The following LINGO1 variants were observed in gnomAD, a reference collection of about 807,000 sequenced individuals.
LINGO1 encodes leucine-rich repeat and immunoglobulin-like domain-containing nogo receptor-interacting protein 1.
In LINGO1, 11 loss-of-function variants were observed where a neutral mutation model predicts 37.3. The ratio of observed to expected loss-of-function variants is 0.29; its 90% CI spans 0.19 to 0.49. The LOEUF is 0.49. Ranked by LOEUF, LINGO1 falls within the 20% of genes least tolerant of loss-of-function variation. LINGO1 has a pLI of 0.99. For missense variants in LINGO1, 585 were observed against 878.2 expected (o/e 0.67, Z 4.22); for synonymous variants, 387 against 403.0 (o/e 0.96, Z 0.48).
At chr15:77,709,339 T>G (rs1209550419) in intron 2 of LINGO1, among the ~76,000 whole-genome samples, 2 of 152,164 alleles carry the variant, frequency 1.3e-5, no homozygotes, top group African/African-American at 4.8e-5. Context: ...CCAAGGCAGG[T>G]TCAGTTAGTC....
At chr15:77,734,651 G>T (rs2141337571) in intron 2 of LINGO1, among the ~76,000 whole-genome samples, 1 of 151,884 alleles carries the variant, frequency 6.6e-6, no homozygotes, top group East Asian at 2.0e-4. Flanking sequence ...GAGCCTCCAG[G>T]ATCCCCAAGT....
At chr15:77,707,135 G>A (rs1044745551) in intron 2 of LINGO1, among the ~76,000 whole-genome samples, 43 of 152,240 alleles carry the variant, frequency 2.8e-4, no homozygotes, top group Non-Finnish European at 5.4e-4. Flanking sequence ...GCTGCAGGCA[G>A]GGATGCTGGA....
upstream of LINGO1, among the ~76,000 whole-genome samples, chr15:77,634,773 G>A: frequency 8.9e-6 from 1 of 112,234 alleles, no homozygotes; most frequent in East Asian, 2.8e-4. Context: ...CCCCCACCCC[G>A]GCTGTTTGTG....
intron 3 of LINGO1, chr15:77,667,217 GC>G (rs1219283126): frequency 6.6e-6 from 1 of 151,992 alleles, no homozygotes; most frequent in African/African-American, 2.4e-5. Flanking sequence ...TCGGAGTGTG[GC>G]CGGGGGCAAG....
chr15:77,778,155 C>T (rs2076680310), intron 1 of LINGO1, among the ~76,000 whole-genome samples: 2 of 152,146 alleles, frequency 1.3e-5, no homozygotes, highest in African/African-American at 4.8e-5. Flanking sequence ...TTTTGGTGAC[C>T]ACGGTCATCC....
At chr15:77,779,765 C>CG (rs1484437384) in intron 1 of LINGO1, among the ~76,000 whole-genome samples, 3 of 152,186 alleles carry the variant, frequency 2.0e-5, no homozygotes, top group Admixed American at 6.5e-5. Context: ...GCCAGTCCCC[C>CG]GGGGGTTGTG....
rs1315338918 is a variant in LINGO1 at position 77,745,314 on chromosome 15, T to C, written c.-256-10261A>G. 3.3e-5 allele frequency among the ~76,000 whole-genome samples: 5 copies of C among 150,692 alleles called. No homozygotes were observed. In the South Asian group the frequency reaches 1.1e-3, roughly 32 times the overall value. ...GGTGGTGGGCGCTTGTAGTCCCAGC[T>C]ACTTGGAAGGCTGAGGCAGGAGAAT... On this transcript the variant is annotated intron_variant, in intron 1 of 3. Transcript: ENST00000561686.
At chr15:77,725,886 T>C (rs62007778) in intron 2 of LINGO1, among the ~76,000 whole-genome samples, 5,901 of 152,282 alleles carry the variant, frequency 0.039, 172 homozygotes, top group Non-Finnish European at 0.059. Flanking sequence ...GGAGCGTACA[T>C]AGAGCGGCCG....
intron 1 of LINGO1, among the ~76,000 whole-genome samples, chr15:77,631,876 T>C (rs557261746): frequency 1.3e-5 from 2 of 151,878 alleles, no homozygotes; most frequent in South Asian, 4.2e-4. Flanking sequence ...GCCCCTGACC[T>C]GTGTCCACCA....
rs539641794 is a variant in LINGO1, at chr15:77,653,726, T to C, written c.-13+23363A>G. On this transcript the variant is annotated intron_variant, in intron 3 of 3. Transcript: ENST00000559893. ...TCTACCCCAGAAGCAAAAGTCTTCC[T>C]GCTCAACTTAGGGAGTGCCTATCAA... Among the ~76,000 whole-genome samples the C allele has an allele frequency of 6.8e-4, 103 of 152,304 alleles. 3 individuals carry two copies. In the South Asian group the frequency reaches 0.016, roughly 23 times the overall value.
chr15:77,632,311 T>G lies in LINGO1; in HGVS notation c.5A>C (p.Gln2Pro). The change falls in exon 1 of 2, where the codon CAG (glutamine) becomes CCG (proline). Residue 2 changes from glutamine to proline, a missense_variant and splice_region_variant. This residue lies in a region of LINGO1 where 65 missense variants were observed against 57.0 expected (regional missense o/e 1.14). Coordinates refer to ENST00000355300, the MANE Select transcript of LINGO1 (RefSeq NM_032808.7). The surrounding 1 kb of genome is among the most constrained non-coding windows in gnomAD (Gnocchi z 6.0). M[Q>P]VSKRMLAGGV... ...CTCGGCCGCGGCCGCCTGGCTCACC[T>G]GCATCTCGGGCGCGCCTTCGGTCCG... 1 of 1,440,558 alleles carries G rather than the reference T, an allele frequency of 6.9e-7. No homozygotes were observed. Among genetic ancestry groups the G allele is most frequent in the Non-Finnish European group, 9.1e-7 (1 of 1,097,896 alleles). 89.2% of individuals were successfully genotyped at this position (1,440,558 alleles called of 1,614,324 possible).
intron 1 of LINGO1, among the ~76,000 whole-genome samples, chr15:77,740,722 T>C (rs2076254603): frequency 1.3e-5 from 2 of 151,948 alleles, no homozygotes; most frequent in South Asian, 4.2e-4. Flanking sequence ...AAGATTTGGA[T>C]AGTAGGGTGG....
rs1255078770 is a variant in LINGO1, at chr15:77,770,315, C to T, written c.-257+16554G>A. 2.6e-5 allele frequency among the ~76,000 whole-genome samples: 4 copies of T among 152,124 alleles called. No homozygotes were observed. The South Asian group carries it at 6.2e-4, about 24-fold the overall frequency. On this transcript the variant is annotated intron_variant, in intron 1 of 3. Transcript: ENST00000561686. Reference sequence around the variant, plus strand: ...TAAAGATGTGGCAACTGGCTGGGCGCGGTGGCTCAAGCCTGTAATCCCAGC... The same window carrying T: ...TAAAGATGTGGCAACTGGCTGGGCGTGGTGGCTCAAGCCTGTAATCCCAGC...
intron 1 of LINGO1, among the ~76,000 whole-genome samples, chr15:77,767,717 G>C (rs773407129): frequency 6.6e-6 from 1 of 152,118 alleles, no homozygotes; most frequent in African/African-American, 2.4e-5. Flanking sequence ...GTTGGGAACC[G>C]AATTAGTGAT....
chr15:77,772,704 C>G (rs1469137899), intron 1 of LINGO1, among the ~76,000 whole-genome samples: 1 of 152,018 alleles, frequency 6.6e-6, no homozygotes, highest in African/African-American at 2.4e-5. Context: ...CATTTTTTTC[C>G]TTCTCCAAAT....
At chr15:77,687,909 G>A (rs2075539434) in intron 2 of LINGO1, among the ~76,000 whole-genome samples, 1 of 152,240 alleles carries the variant, frequency 6.6e-6, no homozygotes, top group African/African-American at 2.4e-5. Context: ...TTGGAAGGCA[G>A]AGTGGGCACT....
chr15:77,741,290 C>T (rs921197265), intron 1 of LINGO1, among the ~76,000 whole-genome samples: 2 of 152,222 alleles, frequency 1.3e-5, no homozygotes, highest in Middle Eastern at 3.2e-3. Flanking sequence ...AGCAGCACCC[C>T]AAGCCTGAGC....
chr15:77,708,036 TTC>T (rs2075873660), intron 2 of LINGO1, among the ~76,000 whole-genome samples: 1 of 152,206 alleles, frequency 6.6e-6, no homozygotes, highest in Non-Finnish European at 1.5e-5. Flanking sequence ...TGCCCAGAAT[TTC>T]TGTCTTGCAC....
upstream of LINGO1, among the ~76,000 whole-genome samples, chr15:77,700,446 A>G (rs1375965574): frequency 6.6e-6 from 1 of 152,074 alleles, no homozygotes; most frequent in Non-Finnish European, 1.5e-5. Flanking sequence ...TACTACTACC[A>G]CTACTAATAG....
Sources: gnomAD v4.1 joint callset for allele counts (sites outside exome capture counted in the v4.1 genomes callset) on GRCh38, gnomAD v4.1.1 for gene constraint, gnomAD v4.1.1 regional missense constraint, Gnocchi (gnomAD v3.1) non-coding constraint, MANE v1.5 for transcripts, NCBI Gene and HGNC (gene_info 2026-07-23, HGNC 2026-07-21) for gene names.